Variants in LRP6 observed in about 807,000 individuals in gnomAD.
LRP6 encodes the protein low-density lipoprotein receptor-related protein 6.
LRP6 carries 43 observed loss-of-function variants against 184.1 expected under a neutral mutation model. The observed-to-expected ratio is 0.23, with a 90% CI of 0.18 to 0.30. The LOEUF is 0.30. Among genes scored for constraint, LRP6 ranks in the 10% least tolerant of loss-of-function variants. The pLI is 1.00. For missense variants in LRP6, 1,571 were observed against 2,005.3 expected, an observed-to-expected ratio of 0.78 and a Z score of 4.14; for synonymous variants, 719 against 684.9, an observed-to-expected ratio of 1.05 and a Z score of -0.78.
intron 3 of LRP6, among the ~76,000 whole-genome samples, chr12:12,191,106 A>C (rs539365133): frequency 1.3e-5 from 2 of 152,370 alleles, no homozygotes; most frequent in Admixed American, 1.3e-4. Flanking sequence ...TTAGTAGACC[A>C]ATCTGAGAAC....
In LRP6 at chr12:12,184,409, C is replaced by A. The variant is rs11054722; in HGVS notation, c.845-298G>T. On this transcript the variant is annotated intron_variant, in intron 4 of 22. Transcript: ENST00000261349. Reference sequence around the variant, plus strand: ...AACTAAAAACAAACAAACAAACAAACAAAACCAATAAAACTAAGTGCTATT... The same window carrying A: ...AACTAAAAACAAACAAACAAACAAAAAAAACCAATAAAACTAAGTGCTATT... 1.0e-3 allele frequency among the ~76,000 whole-genome samples: 159 copies of A among 151,716 alleles called. 1 individual carries two copies. Among genetic ancestry groups the A allele is most frequent in the Middle Eastern group, 3.4e-3 (1 of 292 alleles).
Position 12,161,592 on chromosome 12 carries a change from G to T in LRP6, c.2279+601C>A, listed in dbSNP as rs368532347. 2.6e-5 allele frequency among the ~76,000 whole-genome samples: 4 copies of T among 152,066 alleles called. No individual in the cohort carries two copies. In the East Asian group the frequency reaches 5.8e-4, roughly 22 times the overall value. On this transcript the variant is annotated intron_variant, in intron 10 of 22. Transcript: ENST00000261349. ...GGCCTGTTGACTTCTTTTATAAGTG[G>T]AATTTTTCTTTAGATTTCAGATTTC...
intron 15 of LRP6, among the ~76,000 whole-genome samples, chr12:12,139,472 T>G (rs1178900877): frequency 6.6e-6 from 1 of 152,110 alleles, no homozygotes; most frequent in African/African-American, 2.4e-5. Context: ...ACCTGTAATC[T>G]CAGTAATCTG....
chr12:12,135,923 G>A (rs975071718), intron 16 of LRP6, among the ~76,000 whole-genome samples: 13 of 151,808 alleles, frequency 8.6e-5, no homozygotes, highest in East Asian at 7.7e-4. Context: ...GGTGGCTCAC[G>A]CCTGTAATCC....
chr12:12,163,860 G>A (rs186899814), intron 9 of LRP6, among the ~76,000 whole-genome samples: 20 of 152,290 alleles, frequency 1.3e-4, no homozygotes, highest in East Asian at 7.7e-4. Context: ...TTGGCTGGGC[G>A]CGGTGGCTCA....
intron 15 of LRP6, among the ~76,000 whole-genome samples, chr12:12,139,347 T>C (rs1029734979): frequency 2.0e-5 from 3 of 152,172 alleles, no homozygotes; most frequent in Non-Finnish European, 2.9e-5. Context: ...TGGGAAGGCA[T>C]TGCCTGAGTC....
intron 1 of LRP6, 23 bp from the exon 2 acceptor site, chr12:12,244,678 T>C (rs1397777172): frequency 2.5e-6 from 4 of 1,611,918 alleles, no homozygotes; most frequent in Admixed American, 1.7e-5. Flanking sequence ...AAGAAAAATA[T>C]GTAAGTGAAA....
At chr12:12,157,498 A>G (rs1322265775) in intron 12 of LRP6, among the ~76,000 whole-genome samples, 1 of 152,204 alleles carries the variant, frequency 6.6e-6, no homozygotes, top group East Asian at 1.9e-4. Context: ...ATGAGAAAAA[A>G]TAAAGGCTTA....
rs1020943787 is a variant in LRP6 at position 12,155,797 on chromosome 12, T to G, written c.2791+3032A>C. On this transcript the variant is annotated intron_variant, in intron 12 of 22. Coordinates refer to ENST00000261349, the MANE Select transcript of LRP6 (RefSeq NM_002336.3). ...ATAGGTGTTAAAAAAATAAAAGACT[T>G]CTGGACTGTTAAAAAAAAAAAAAAG... is the stretch of plus-strand genomic sequence containing the variant. 8.8e-5 allele frequency: 66 copies of G among 751,078 alleles called. 1 individual carries two copies. The Middle Eastern group carries it at 1.3e-3, about 15-fold the overall frequency. The allele number at this position is 751,078 out of a possible 1,614,324, so 46.5% of individuals were successfully genotyped here. A position where few individuals can be genotyped will look rare whatever the true frequency, so the allele number is the denominator to read the frequency against.
intron 3 of LRP6, 123 bp from the exon 4 acceptor site, chr12:12,187,242 A>C (rs1031848268): frequency 5.2e-6 from 4 of 767,636 alleles, no homozygotes; most frequent in Non-Finnish European, 9.1e-6. Context: ...AGTAATACAT[A>C]CCAATAGGTC....
chr12:12,138,861 G>A, intron 15 of LRP6: 1 of 1,378,680 alleles, frequency 7.3e-7, no homozygotes, highest in Non-Finnish European at 9.7e-7. Context: ...CTCTGGAGGA[G>A]CAGTGGTGGT....
At chr12:12,156,442 T>C (rs377188312) in intron 12 of LRP6, among the ~76,000 whole-genome samples, 3 of 151,632 alleles carry the variant, frequency 2.0e-5, no homozygotes, top group East Asian at 3.9e-4. Flanking sequence ...GGAGTGAGAG[T>C]GAAGAAGGGG....
intron 1 of LRP6, among the ~76,000 whole-genome samples, chr12:12,250,257 A>G (rs1377424970): frequency 6.6e-6 from 1 of 152,158 alleles, no homozygotes; most frequent in Non-Finnish European, 1.5e-5. Flanking sequence ...TTAATCTTTT[A>G]TAGTCTCTGC....
intron 9 of LRP6, among the ~76,000 whole-genome samples, chr12:12,163,329 AATTT>A (rs1386276595): frequency 2.0e-5 from 3 of 152,228 alleles, no homozygotes; most frequent in East Asian, 1.9e-4. Context: ...TGCAAACCAA[AATTT>A]ATTTATTTCA....
intron 2 of LRP6, chr12:12,226,543 T>C (rs1025205353): frequency 2.0e-5 from 3 of 152,200 alleles, no homozygotes; most frequent in African/African-American, 4.8e-5. Flanking sequence ...AGAATGCCTT[T>C]GATGGGTTTA....
chr12:12,175,346 G>A (rs1241767815), intron 7 of LRP6, among the ~76,000 whole-genome samples: 8 of 152,004 alleles, frequency 5.3e-5, no homozygotes, highest in East Asian at 1.9e-4. Flanking sequence ...CCGAGATCAC[G>A]CCACTGCACT....
chr12:12,177,708 G>A (rs1199478861), intron 7 of LRP6, among the ~76,000 whole-genome samples: 1 of 151,988 alleles, frequency 6.6e-6, no homozygotes, highest in Non-Finnish European at 1.5e-5. Flanking sequence ...GAATCTCCAG[G>A]GGAAATTATA....
chr12:12,181,433 G>A lies in LRP6; in HGVS notation c.983C>T (p.Thr328Ile), dbSNP rs2136992221. ...CCTTCGAGCTAAAAGCAATAATTCT[G>A]TGGCACCTAGAACAACAAAGTGAAA... Reference protein sequence around the residue: ...ENGKTCKDGATELLLLARRTD... With the variant: ...ENGKTCKDGAIELLLLARRTD... The change falls in exon 6 of 23, where the codon ACA becomes ATA. Residue 328 changes from threonine (T) to isoleucine (I), a missense_variant. Thr to Ile is a moderately conservative substitution (Grantham distance 89). Around this residue, in one of 4 missense-constraint regions of LRP6, gnomAD observed 640 missense variants for 851.9 expected, o/e 0.75. Transcript: ENST00000261349. 2 of 1,191,448 alleles carry A rather than the reference G, an allele frequency of 1.7e-6. No individual in the cohort carries two copies. Among genetic ancestry groups the A allele is most frequent in the Non-Finnish European group, 2.5e-6 (2 of 797,292 alleles). The allele number at this position is 1,191,448 out of a possible 1,614,324, so 73.8% of individuals were successfully genotyped here.
Position 12,164,425 on chromosome 12 carries a change from G to C in LRP6, c.1900C>G (p.Leu634Val). Residue 634 changes from leucine to valine, a missense_variant, in exon 9 of 23, where the codon CTT (leucine) becomes GTT (valine). This residue lies in a region of LRP6 where 640 missense variants were observed against 851.9 expected (regional missense o/e 0.75). Coordinates refer to ENST00000261349, the MANE Select transcript of LRP6 (RefSeq NM_002336.3). Reference sequence around the variant, plus strand: ...ATATCTGCTCTCCGTGAAAACAAAAGGAAAGCCTCTGGGACAATGCAGGTC... The same window carrying C: ...ATATCTGCTCTCCGTGAAAACAAAACGAAAGCCTCTGGGACAATGCAGGTC... ...MKTCIVPEAF[L>V]LFSRRADIRR... 6.2e-7 allele frequency: 1 copy of C among 1,614,152 alleles called. No individual in the cohort carries two copies. Among genetic ancestry groups the C allele is most frequent in the Non-Finnish European group, 8.5e-7 (1 of 1,180,036 alleles).
Sources: gnomAD v4.1 joint callset for allele counts (sites outside exome capture counted in the v4.1 genomes callset) on GRCh38, gnomAD v4.1.1 for gene constraint, gnomAD v4.1.1 regional missense constraint, MANE v1.5 for transcripts, NCBI Gene and HGNC (gene_info 2026-07-23, HGNC 2026-07-21) for gene names.